Variants in NCOA1 observed in about 807,000 individuals in gnomAD.
NCOA1 encodes the protein nuclear receptor coactivator 1.
In NCOA1, 35 loss-of-function variants were observed where a neutral mutation model predicts 150.9. The observed-to-expected ratio is 0.23, with a 90% CI of 0.18 to 0.31. The LOEUF (loss-of-function observed/expected upper bound fraction) is 0.31, where lower values mean the gene tolerates loss of function less well. NCOA1 is among the 10% of genes least tolerant of loss of function. The pLI, the probability that NCOA1 is intolerant of heterozygous loss-of-function variation, is 1.00. For synonymous variants in NCOA1, 590 were observed against 630.0 expected, an observed-to-expected ratio of 0.94 and a Z score of 0.95; for missense variants, 1,491 against 1,749.3, an observed-to-expected ratio of 0.85 and a Z score of 2.63.
At chr2:24,579,527 C>A (rs1667116716) in intron 2 of NCOA1, among the ~76,000 whole-genome samples, 1 of 152,180 alleles carries the variant, frequency 6.6e-6, no homozygotes, top group African/African-American at 2.4e-5. Context: ...TGATGAGAGA[C>A]TGTTGGAGTT....
intron 1 of NCOA1, among the ~76,000 whole-genome samples, chr2:24,518,354 A>G (rs978702044): frequency 1.3e-5 from 2 of 152,200 alleles, no homozygotes; most frequent in Non-Finnish European, 1.5e-5. Flanking sequence ...TAAATGGAGC[A>G]TATTTATGAA....
chr2:24,517,905 G>A (rs1328766333), intron 1 of NCOA1, among the ~76,000 whole-genome samples: 1 of 152,176 alleles, frequency 6.6e-6, no homozygotes, highest in Non-Finnish European at 1.5e-5. Flanking sequence ...ATTTTGGAAT[G>A]TGCCTCATGA....
At chr2:24,723,434 A>G (rs1674456040) in intron 14 of NCOA1, among the ~76,000 whole-genome samples, 1 of 152,248 alleles carries the variant, frequency 6.6e-6, no homozygotes, top group Admixed American at 6.5e-5. Context: ...GTGACGGTAT[A>G]TCTGAGATAC....
At chr2:24,723,139 C>T (rs1347457668) in intron 14 of NCOA1, among the ~76,000 whole-genome samples, 7 of 151,992 alleles carry the variant, frequency 4.6e-5, no homozygotes, top group South Asian at 2.1e-4. Context: ...CTGGCAGTAT[C>T]GTTTTTTCTG....
intron 22 of NCOA1, among the ~76,000 whole-genome samples, chr2:24,764,033 G>A (rs1572698472): frequency 6.6e-6 from 1 of 152,214 alleles, no homozygotes; most frequent in Admixed American, 6.5e-5. Context: ...GGGGAGAAGT[G>A]AGGAAAGGAA....
At chr2:24,531,714 T>C (rs948803010) in intron 1 of NCOA1, among the ~76,000 whole-genome samples, 10 of 152,238 alleles carry the variant, frequency 6.6e-5, no homozygotes, top group Non-Finnish European at 1.3e-4. Flanking sequence ...GTGTTTGGTT[T>C]TCTGCCCATG....
At chr2:24,494,016 C>G (rs1246537457) in intron 1 of NCOA1, among the ~76,000 whole-genome samples, 1 of 152,186 alleles carries the variant, frequency 6.6e-6, no homozygotes, top group African/African-American at 2.4e-5. Flanking sequence ...TGCTTTTACT[C>G]TATAGGGAAG....
chr2:24,511,457 T>C (rs1398469550), intron 1 of NCOA1, among the ~76,000 whole-genome samples: 1 of 152,222 alleles, frequency 6.6e-6, no homozygotes, highest in African/African-American at 2.4e-5. Flanking sequence ...ACTATAATTG[T>C]TGATTTGCAT....
chr2:24,691,587 A>G lies in NCOA1; in HGVS notation c.639A>G (p.Glu213=), dbSNP rs748557666. 74 of 1,614,116 alleles carry G rather than the reference A, an allele frequency of 4.6e-5. No homozygotes were observed. The Admixed American group carries it at 1.1e-3, about 25-fold the overall frequency. ...ATGAGCCAGGGACCGAGAACCAAGAAGCTTGCCAGCGTTATGAAGTAATGC... is the reference window on the plus strand; with the variant it reads ...ATGAGCCAGGGACCGAGAACCAAGAGGCTTGCCAGCGTTATGAAGTAATGC... ...PPDEPGTENQ[E]ACQRYEVMQC... The change falls in exon 9 of 23, where the codon GAA becomes GAG. Residue 213 remains glutamate, a synonymous_variant. Transcript: ENST00000348332.
chr2:24,609,086 A>T (rs1668508899), intron 3 of NCOA1, among the ~76,000 whole-genome samples: 1 of 151,946 alleles, frequency 6.6e-6, no homozygotes, highest in African/African-American at 2.4e-5. Flanking sequence ...TCCTTACTTA[A>T]TTGTTGTTTG....
intron 1 of NCOA1, chr2:24,491,993 A>C (rs1662985000): frequency 6.6e-6 from 1 of 151,730 alleles, no homozygotes; most frequent in Non-Finnish European, 1.5e-5. Context: ...GGGGAGCCGG[A>C]AGTCGGCGCG....
chr2:24,515,459 A>C (rs1380931844), intron 1 of NCOA1, among the ~76,000 whole-genome samples: 2 of 150,394 alleles, frequency 1.3e-5, no homozygotes, highest in South Asian at 4.2e-4. Flanking sequence ...TGGTCTCAAA[A>C]CTCTTGGGCT....
At chr2:24,756,989 A>T (rs1389730132) in intron 20 of NCOA1, among the ~76,000 whole-genome samples, 4 of 152,202 alleles carry the variant, frequency 2.6e-5, no homozygotes, top group Admixed American at 6.5e-5. Context: ...GCCTGATAAG[A>T]CCTTGGAAGT....
chr2:24,715,327 T>A (rs1673969355), intron 14 of NCOA1, among the ~76,000 whole-genome samples: 1 of 152,132 alleles, frequency 6.6e-6, no homozygotes, highest in African/African-American at 2.4e-5. Context: ...GAATTATATA[T>A]GTAATATGTA....
At position 24,758,010 on chromosome 2, in the gene NCOA1, G is replaced by A; in HGVS notation, c.3919G>A (p.Ala1307Thr). 1 of 1,614,058 alleles carries A rather than the reference G, an allele frequency of 6.2e-7. No homozygotes were observed. The highest frequency in any genetic ancestry group is 1.1e-5 in the South Asian group (1 of 91,074). Residue 1307 changes from alanine (A) to threonine (T), a missense_variant, in exon 21 of 23, where the codon GCA becomes ACA. Transcript: ENST00000348332. ...AGCTGTCCAGAACCAGCCCACGCCT[G>A]CACAGCCAGGAGTATACAACAACAT... The part of the protein sequence containing the change: ...SQAVQNQPTP[A>T]QPGVYNNMSI...
intron 2 of NCOA1, among the ~76,000 whole-genome samples, chr2:24,567,841 C>A (rs1666577099): frequency 6.6e-6 from 1 of 152,144 alleles, no homozygotes. Flanking sequence ...ACCTCCGCCT[C>A]CTGGGTTCAA....
At chr2:24,705,700 C>T (rs1174308109) in intron 12 of NCOA1, among the ~76,000 whole-genome samples, 3 of 152,028 alleles carry the variant, frequency 2.0e-5, no homozygotes, top group African/African-American at 7.2e-5. Flanking sequence ...AATTTGTTCC[C>T]CTAAGTATGT....
At chr2:24,757,434 A>G (rs559668315) in intron 20 of NCOA1, among the ~76,000 whole-genome samples, 18 of 152,332 alleles carry the variant, frequency 1.2e-4, no homozygotes, top group East Asian at 3.9e-4. Context: ...AGTGCCTGCT[A>G]TATGTCACAT....
At chr2:24,497,283 C>G (rs1277849245) in intron 1 of NCOA1, among the ~76,000 whole-genome samples, 1 of 151,188 alleles carries the variant, frequency 6.6e-6, no homozygotes, top group African/African-American at 2.4e-5. Context: ...TCTGGACTTT[C>G]TTTCTCTTGA....
Sources: gnomAD v4.1 joint callset for allele counts (sites outside exome capture counted in the v4.1 genomes callset) on GRCh38, gnomAD v4.1.1 for gene constraint, MANE v1.5 for transcripts, NCBI Gene and HGNC (gene_info 2026-07-23, HGNC 2026-07-21) for gene names.